The following SMCO4 variants were observed in gnomAD, a reference collection of about 807,000 sequenced individuals.
SMCO4 encodes the protein single-pass membrane protein with coiled-coil domains 4.
Under a neutral mutation model 3.6 loss-of-function variants are expected in SMCO4, and 4 were observed. That is an observed-to-expected ratio of 1.11 (90% confidence interval 0.54 to 2.53). The LOEUF is 2.53. SMCO4 is among the 30% of genes most tolerant of loss of function. The pLI is 0.02. For missense variants in SMCO4, 70 were observed against 80.8 expected (o/e 0.87, Z 0.51); for synonymous variants, 36 against 35.3 (o/e 1.02, Z -0.07).
At chr11:93,540,368 G>A (rs1056120702) in intron 1 of SMCO4, among the ~76,000 whole-genome samples, 17 of 152,126 alleles carry the variant, frequency 1.1e-4, no homozygotes, top group Admixed American at 1.1e-3. Context: ...CAGGCTCAGA[G>A]AGGTCAGGCA....
Position 93,478,752 on chromosome 11 carries a change from C to T in SMCO4, c.*258G>A, listed in dbSNP as rs1381940299. ...ACACACACACACACACACACACACA[C>T]ATGCGCGCGCGCTTTGAAGTCTGAA... On this transcript the variant is annotated 3_prime_UTR_variant, in exon 3 of 3. Transcript: ENST00000298966. The T allele has an allele frequency of 1.5e-5, 13 of 860,694 alleles. No homozygotes were observed. Among genetic ancestry groups the T allele is most frequent in the Middle Eastern group, 4.1e-4 (1 of 2,464 alleles). The allele number at this position is 860,694 out of a possible 1,614,324, so 53.3% of individuals were successfully genotyped here. A position where few individuals can be genotyped will look rare whatever the true frequency, so the allele number is the denominator to read the frequency against.
intron 1 of SMCO4, among the ~76,000 whole-genome samples, chr11:93,534,267 C>CAT (rs1375804618): frequency 1.5e-4 from 22 of 143,802 alleles, no homozygotes; most frequent in South Asian, 1.1e-3. Flanking sequence ...CACACAAACA[C>CAT]ATATATATAT....
intron 1 of SMCO4, among the ~76,000 whole-genome samples, chr11:93,520,650 C>A (rs1214268552): frequency 6.6e-6 from 1 of 152,214 alleles, no homozygotes; most frequent in Non-Finnish European, 1.5e-5. Context: ...ACATATACTA[C>A]CTTTTCCTAT....
chr11:93,547,008 C>T (rs1949320360), upstream of SMCO4, among the ~76,000 whole-genome samples: 1 of 152,176 alleles, frequency 6.6e-6, no homozygotes, highest in Non-Finnish European at 1.5e-5. Flanking sequence ...TTTCCAGAAC[C>T]CATTAGAGTT....
upstream of SMCO4, among the ~76,000 whole-genome samples, chr11:93,547,682 C>T (rs1225026158): frequency 6.6e-6 from 1 of 152,112 alleles, no homozygotes; most frequent in Non-Finnish European, 1.5e-5. Context: ...AATGAGCAAA[C>T]AAATGAATGA....
chr11:93,479,132 T>A lies in SMCO4; in HGVS notation c.58A>T (p.Lys20Ter), dbSNP rs778869372. ...KETSKDKKER[K>*]QAMQEARQQI... is the part of the protein sequence containing the mutation. ...TGCCGGGCCTCCTGCATGGCTTGCT[T>A]CCGCTCCTTCTTGTCCTTGGAGGTC... is the stretch of plus-strand genomic sequence containing the variant. Residue 20 changes from lysine (K) to a stop codon, truncating the protein, a stop_gained, in exon 3 of 3, where the codon AAG becomes TAG. Transcript: ENST00000298966. LOFTEE classifies it high-confidence loss of function. 3.1e-6 allele frequency: 5 copies of A among 1,614,104 alleles called. No individual in the cohort carries two copies. The South Asian group carries it at 4.4e-5, about 14-fold the overall frequency.
At chr11:93,506,478 G>A (rs1279375211) in intron 1 of SMCO4, among the ~76,000 whole-genome samples, 2 of 145,698 alleles carry the variant, frequency 1.4e-5, no homozygotes, top group South Asian at 2.2e-4. Context: ...TCGCTCTGTC[G>A]CCCAGGCTGG....
chr11:93,527,465 AT>A (rs1266946782), intron 1 of SMCO4, among the ~76,000 whole-genome samples: 1 of 152,040 alleles, frequency 6.6e-6, no homozygotes, highest in Non-Finnish European at 1.5e-5. Context: ...TGAAAAGGCA[AT>A]TTTTTTCCTT....
chr11:93,498,714 A>C (rs1948803831), intron 2 of SMCO4, among the ~76,000 whole-genome samples: 1 of 152,250 alleles, frequency 6.6e-6, no homozygotes, highest in Admixed American at 6.5e-5. Flanking sequence ...CAAAGATCAT[A>C]ATGTATTTAA....
At chr11:93,534,375 T>TATATATATAGAG (rs369643237) in intron 1 of SMCO4, among the ~76,000 whole-genome samples, 5 of 142,132 alleles carry the variant, frequency 3.5e-5, no homozygotes, top group East Asian at 2.0e-4. Flanking sequence ...TATATATATA[T>TATATATATAGAG]AGAGAGAGAG....
chr11:93,524,904 A>G (rs975784461), intron 1 of SMCO4, among the ~76,000 whole-genome samples: 1 of 152,240 alleles, frequency 6.6e-6, no homozygotes, highest in African/African-American at 2.4e-5. Context: ...GTATAAACTC[A>G]GAATTCTGTG....
chr11:93,537,785 G>A (rs1230538648), intron 1 of SMCO4: 1 of 151,750 alleles, frequency 6.6e-6, no homozygotes, highest in Non-Finnish European at 1.5e-5. Flanking sequence ...CCCTCTTTGA[G>A]GGAAAAGTGT....
chr11:93,494,246 G>T (rs148737852), intron 2 of SMCO4, among the ~76,000 whole-genome samples: 81 of 152,284 alleles, frequency 5.3e-4, no homozygotes, highest in African/African-American at 1.8e-3. Flanking sequence ...TTTGCAAAGG[G>T]ATATAGACGA....
chr11:93,553,242 G>A, the SMCO4 span, among the ~76,000 whole-genome samples: 3 of 152,178 alleles, frequency 2.0e-5, no homozygotes, highest in African/African-American at 7.2e-5. Flanking sequence ...GGGTGTCAGG[G>A]TTCAACAGAT....
chr11:93,488,552 G>T (rs1264800871), intron 2 of SMCO4, among the ~76,000 whole-genome samples: 3 of 152,124 alleles, frequency 2.0e-5, no homozygotes, highest in African/African-American at 7.2e-5. Context: ...AATGGAGTGT[G>T]AAAAAAAGAA....
At chr11:93,549,842 G>C in the SMCO4 span, among the ~76,000 whole-genome samples, 4 of 152,050 alleles carry the variant, frequency 2.6e-5, no homozygotes, top group Admixed American at 2.6e-4. Flanking sequence ...TTGAAGTCCT[G>C]TACATTTATG....
At chr11:93,495,292 C>A (rs1181311383) in intron 2 of SMCO4, among the ~76,000 whole-genome samples, 2 of 151,986 alleles carry the variant, frequency 1.3e-5, no homozygotes, top group Non-Finnish European at 2.9e-5. Context: ...ACAAACTTTG[C>A]TGTAACTCAT....
rs1948553703 is a variant in SMCO4 at position 93,478,948 on chromosome 11, G to T, written c.*62C>A. On this transcript the variant is annotated 3_prime_UTR_variant, in exon 3 of 3. Transcript: ENST00000298966. ...TCTCTGAATATGAAAGCCATTTTTT[G>T]TTTGCGTCCCCCTCCCGCGCCTCCT... 2.7e-5 allele frequency: 41 copies of T among 1,527,310 alleles called. No individual in the cohort carries two copies. The highest frequency in any genetic ancestry group is 2.4e-4 in the Admixed American group (12 of 50,632). The allele number at this position is 1,527,310 out of a possible 1,614,324, so 94.6% of individuals were successfully genotyped here. A position where few individuals can be genotyped will look rare whatever the true frequency, so the allele number is the denominator to read the frequency against.
intron 1 of SMCO4, among the ~76,000 whole-genome samples, chr11:93,517,958 T>C (rs183357611): frequency 1.5e-4 from 23 of 152,338 alleles, no homozygotes; most frequent in Admixed American, 9.8e-4. Flanking sequence ...ATGAAATGCA[T>C]ATAACATATA....
Sources: allele counts gnomAD v4.1 joint callset (sites outside exome capture counted in the v4.1 genomes callset), GRCh38; gene constraint gnomAD v4.1.1; transcripts MANE v1.5; gene names NCBI Gene and HGNC (gene_info 2026-07-23, HGNC 2026-07-21).